TTC16: variants seen among roughly 807,000 people sequenced by gnomAD.
TTC16 encodes the protein tetratricopeptide repeat protein 16.
TTC16 carries 66 observed loss-of-function variants against 80.4 expected under a neutral mutation model. That is an observed-to-expected ratio of 0.82 (90% CI 0.67 to 1.01). TTC16 has a LOEUF of 1.01. Among genes scored for constraint, TTC16 ranks in the 50% least tolerant of loss-of-function variants. TTC16 has a pLI of 0.00. For missense variants in TTC16, 1,070 were observed against 1,103.2 expected, an observed-to-expected ratio of 0.97 and a Z score of 0.43; for synonymous variants, 438 against 451.3, an observed-to-expected ratio of 0.97 and a Z score of 0.37.
chr9:127,719,561 C>G (rs111733546), intron 4 of TTC16, among the ~76,000 whole-genome samples: 2 of 152,268 alleles, frequency 1.3e-5, no homozygotes, highest in African/African-American at 4.8e-5. Flanking sequence ...GGCACGATCT[C>G]GGCTCACTGT....
Position 127,727,042 on chromosome 9 carries a change from C to A in TTC16, c.1498C>A (p.Leu500Met), listed in dbSNP as rs547334282. Residue 500 changes from leucine (L) to methionine (M), a missense_variant, in exon 11 of 14, where the codon CTG becomes ATG. Coordinates refer to ENST00000373289, the MANE Select transcript of TTC16 (RefSeq NM_144965.3). ...EEVLSTQIAHLARLQLEQMVE... is the reference protein window; with the variant it reads ...EEVLSTQIAHMARLQLEQMVE... ...GGTGCTTAGCACCCAGATAGCCCAC[C>A]TGGCCAGGCTGCAGCTGGAGCAGAT... The A allele has an allele frequency of 6.8e-6, 11 of 1,612,404 alleles. No individual in the cohort carries two copies. Among genetic ancestry groups the A allele is most frequent in the Non-Finnish European group, 9.3e-6 (11 of 1,179,920 alleles).
intron 8 of TTC16, 92 bp from the exon 9 acceptor site, chr9:127,724,664 T>G: frequency 6.6e-7 from 1 of 1,505,528 alleles, no homozygotes; most frequent in Non-Finnish European, 8.9e-7. Context: ...GCCACCAGTT[T>G]CAGGCCCTGG....
chr9:127,721,300 T>C (rs1361880252), intron 6 of TTC16, among the ~76,000 whole-genome samples: 3 of 151,482 alleles, frequency 2.0e-5, no homozygotes, highest in African/African-American at 7.3e-5. Context: ...CTGGGCACCA[T>C]TGCAGGGTGG....
intron 12 of TTC16, 178 bp downstream of exon 12, chr9:127,727,643 G>A (rs1844089803): frequency 7.6e-7 from 1 of 1,319,838 alleles, no homozygotes; most frequent in African/African-American, 1.5e-5. Context: ...TACCAGCAAG[G>A]GGTGCTCCTG....
intron 12 of TTC16, chr9:127,728,560 C>T (rs778795799): frequency 6.6e-6 from 1 of 152,154 alleles, no homozygotes; most frequent in Non-Finnish European, 1.5e-5. Flanking sequence ...TTTGGGAGGC[C>T]AAGATGGGCA....
In TTC16 at chr9:127,720,346, A is replaced by G. The variant is rs1262168411; in HGVS notation, c.608A>G (p.Asn203Ser). ...ITNELKQDTT[N>S]ADVYIFRARL... Reference sequence around the variant, plus strand: ...AACGAGCTGAAGCAGGACACCACCAACGCCGATGTCTACATCTTCCGGGCC... The same window carrying G: ...AACGAGCTGAAGCAGGACACCACCAGCGCCGATGTCTACATCTTCCGGGCC... Residue 203 changes from asparagine (N) to serine (S), a missense_variant, in exon 6 of 14, where the codon AAC becomes AGC. Physicochemically the swap from Asn to Ser is conservative, Grantham distance 46. Coordinates refer to ENST00000373289, the MANE Select transcript of TTC16 (RefSeq NM_144965.3). The G allele has an allele frequency of 1.3e-6, 2 of 1,580,124 alleles. No homozygotes were observed. The highest frequency in any genetic ancestry group is 2.7e-5 in the African/African-American group (2 of 73,474).
chr9:127,724,387 G>A (rs1263516753), intron 8 of TTC16, 23 bp downstream of exon 8: 1 of 1,609,860 alleles, frequency 6.2e-7, no homozygotes, highest in East Asian at 2.2e-5. Flanking sequence ...CAGGGCACTG[G>A]GGAGGGGGGG....
intron 6 of TTC16, among the ~76,000 whole-genome samples, chr9:127,721,309 G>A (rs182839918): frequency 4.8e-4 from 73 of 152,232 alleles, no homozygotes; most frequent in African/African-American, 1.6e-3. Flanking sequence ...ATTGCAGGGT[G>A]GGGTGAGGTG....
Position 127,730,635 on chromosome 9 carries a change from G to C in TTC16, c.1853-1G>C, listed in dbSNP as rs747723172. Reference sequence around the variant, plus strand: ...GGGTGCTTTTGGCACCCCCTTCCTAGTCAGGACCACAGGCACCTCAGAGAC... The same window carrying C: ...GGGTGCTTTTGGCACCCCCTTCCTACTCAGGACCACAGGCACCTCAGAGAC... On this transcript the variant is annotated splice_acceptor_variant, in intron 13 of 13. Coordinates refer to ENST00000373289, the MANE Select transcript of TTC16 (RefSeq NM_144965.3). LOFTEE classifies it high-confidence loss of function. The C allele has an allele frequency of 7.2e-5, 116 of 1,611,458 alleles. No individual in the cohort carries two copies. In the Admixed American group the frequency reaches 1.9e-3, roughly 26 times the overall value.
intron 12 of TTC16, chr9:127,728,822 A>G (rs967809592): frequency 6.6e-6 from 1 of 152,238 alleles, no homozygotes; most frequent in Non-Finnish European, 1.5e-5. Flanking sequence ...AAAGGAAAGA[A>G]AGTGCTAGCT....
In TTC16 at chr9:127,722,514, G is replaced by C. The variant is rs1843589798; in HGVS notation, c.658-605G>C. Among the ~76,000 whole-genome samples the C allele has an allele frequency of 6.6e-6, 1 of 152,156 alleles. No homozygotes were observed. Among genetic ancestry groups the C allele is most frequent in the African/African-American group, 2.4e-5 (1 of 41,426 alleles). On this transcript the variant is annotated intron_variant, in intron 6 of 13. Coordinates refer to ENST00000373289, the MANE Select transcript of TTC16 (RefSeq NM_144965.3). This position sits in a 1 kb window ranked among gnomAD's most constrained non-coding sequence, Gnocchi z 4.2. ...GGAGGTCACATGCTCCCCGCACCTT[G>C]AGTGGGCTTCACAGAGGCCTGACAA...
chr9:127,720,476 G>T, intron 6 of TTC16, 81 bp downstream of exon 6: 1 of 1,573,500 alleles, frequency 6.4e-7, no homozygotes, highest in African/African-American at 1.3e-5. Context: ...GAAGAGGCAA[G>T]GCTGTCAGCC....
At chr9:127,724,670 C>T (rs1588444331) in intron 8 of TTC16, 86 bp from the exon 9 acceptor site, 1 of 1,521,294 alleles carries the variant, frequency 6.6e-7, no homozygotes, top group South Asian at 1.2e-5. Flanking sequence ...AGTTTCAGGC[C>T]CTGGCCCCCG....
At chr9:127,725,741 AG>A (rs1843902661) in intron 9 of TTC16, among the ~76,000 whole-genome samples, 1 of 151,878 alleles carries the variant, frequency 6.6e-6, no homozygotes, top group Non-Finnish European at 1.5e-5. Context: ...CTGGGATTAC[AG>A]GCACCTGCCA....
At chr9:127,729,726 G>T in intron 13 of TTC16, 58 bp downstream of exon 13, 5 of 1,545,134 alleles carry the variant, frequency 3.2e-6, no homozygotes, top group Non-Finnish European at 4.4e-6. Flanking sequence ...GGTAGTCAAA[G>T]CTCAGGGGTC....
rs1201171155 is a variant in TTC16, at chr9:127,717,744, A to C, written c.398A>C (p.Glu133Ala). ...CAGCAGGACAACTGCAAGCACCTGG[A>C]GCGCCTCACCTTTGTGCTCTACCTA... ...SLQQDNCKHLERLTFVLYLQG... is the reference protein window; with the variant it reads ...SLQQDNCKHLARLTFVLYLQG... The change falls in exon 4 of 14, where the codon GAG becomes GCG. Residue 133 changes from glutamate (E) to alanine (A), a missense_variant. By Grantham distance (107) the Glu-to-Ala change is moderately radical. Transcript: ENST00000373289. 6.2e-7 allele frequency: 1 copy of C among 1,613,650 alleles called. No homozygotes were observed. The highest frequency in any genetic ancestry group is 2.2e-5 in the East Asian group (1 of 44,880).
Position 127,716,978 on chromosome 9 carries a change from G to T in TTC16, c.153G>T (p.Lys51Asn), listed in dbSNP as rs768507188. The change falls in exon 2 of 14, where the codon AAG becomes AAT. Residue 51 changes from lysine to asparagine, a missense_variant. Physicochemically the swap from Lys to Asn is moderately conservative, Grantham distance 94. Coordinates refer to ENST00000373289, the MANE Select transcript of TTC16 (RefSeq NM_144965.3). ...VFQSICDVKP[K>N]VTGLTVPLKV... ...AAAGCATCTGTGATGTAAAACCAAA[G>T]GTCACAGGGTTAACAGTGCCCCTCA... The T allele has an allele frequency of 6.2e-7, 1 of 1,614,002 alleles. No individual in the cohort carries two copies. Among genetic ancestry groups the T allele is most frequent in the African/African-American group, 1.3e-5 (1 of 74,924 alleles).
chr9:127,728,328 G>A (rs112614487), intron 12 of TTC16: 6 of 152,336 alleles, frequency 3.9e-5, no homozygotes, highest in East Asian at 3.9e-4. Flanking sequence ...CGTCACTCAC[G>A]CTGCGGCGGG....
Position 127,721,036 on chromosome 9 carries a change from C to G in TTC16, c.657+641C>G, listed in dbSNP as rs572920176. 6.0e-5 allele frequency among the ~76,000 whole-genome samples: 9 copies of G among 150,570 alleles called. No individual in the cohort carries two copies. The South Asian group carries it at 1.9e-3, about 32-fold the overall frequency. On this transcript the variant is annotated intron_variant, in intron 6 of 13. Coordinates refer to ENST00000373289, the MANE Select transcript of TTC16 (RefSeq NM_144965.3). ...TCATCCCTACTCCTGACCACCCACA[C>G]AACCTGGGCTGGGCACAGGGACAGA...
Sources: allele counts gnomAD v4.1 joint callset (sites outside exome capture counted in the v4.1 genomes callset), GRCh38; gene constraint gnomAD v4.1.1; non-coding constraint Gnocchi (gnomAD v3.1); transcripts MANE v1.5; gene names NCBI Gene and HGNC (gene_info 2026-07-23, HGNC 2026-07-21).